The following VWA2 variants were observed in gnomAD, a reference collection of about 807,000 sequenced individuals.
VWA2 encodes von Willebrand factor A domain-containing protein 2.
VWA2 carries 73 observed loss-of-function variants against 70.4 expected under a neutral mutation model. The observed-to-expected ratio is 1.04, with a 90% CI of 0.86 to 1.26. The LOEUF (loss-of-function observed/expected upper bound fraction) is 1.26, where lower values mean the gene tolerates loss of function less well. Ranked by LOEUF, VWA2 falls within the 50% of genes most tolerant of loss-of-function variation. The pLI is 0.00. For missense variants in VWA2, 1,011 were observed against 998.5 expected (o/e 1.01, Z -0.17); for synonymous variants, 407 against 423.3 (o/e 0.96, Z 0.47).
At chr10:114,282,703 T>TG (rs908820014) in intron 9 of VWA2, 132 bp downstream of exon 9, 4 of 733,488 alleles carry the variant, frequency 5.5e-6, no homozygotes, top group Non-Finnish European at 4.9e-6. Context: ...ATGGGGCACT[T>TG]GGGGGGCAGA....
At chr10:114,253,542 A>T (rs982495244) in intron 2 of VWA2, 109 bp from the exon 3 acceptor site, 46 of 923,954 alleles carry the variant, frequency 5.0e-5, no homozygotes, top group Non-Finnish European at 7.5e-5. Flanking sequence ...ACTCCCCCAC[A>T]TTCTAGGTTT....
At chr10:114,256,924 A>AG (rs1301069184) in intron 4 of VWA2, among the ~76,000 whole-genome samples, 1 of 151,684 alleles carries the variant, frequency 6.6e-6, no homozygotes, top group Admixed American at 6.6e-5. Flanking sequence ...AAAAAAAAAA[A>AG]AAAAAAAATT....
At chr10:114,285,022 C>T (rs1272765034) in intron 10 of VWA2, 52 bp downstream of exon 10, 14 of 1,427,040 alleles carry the variant, frequency 9.8e-6, no homozygotes, top group Middle Eastern at 1.9e-4. Flanking sequence ...AAGAAGAGGA[C>T]GGGCTCCCCT....
intron 3 of VWA2, 24 bp downstream of exon 3, chr10:114,253,749 C>G: frequency 1.2e-6 from 2 of 1,604,370 alleles, no homozygotes; most frequent in South Asian, 2.2e-5. Context: ...CTTCTTAACC[C>G]TCCAGATGCC....
rs1279130974 is a variant in VWA2, at chr10:114,293,780, G to GA, written c.*2546dup. ...AATAATTGACTCTTGCTTTTCTAGA[G>GA]AAATATTTCCAAATGATGCTAGTTT... On this transcript the variant is annotated 3_prime_UTR_variant, in exon 14 of 14. Coordinates refer to ENST00000392982, the MANE Select transcript of VWA2 (RefSeq NM_001272046.2). 1.3e-5 allele frequency among the ~76,000 whole-genome samples: 2 copies of GA among 152,112 alleles called. No homozygotes were observed. Among genetic ancestry groups the GA allele is most frequent in the Non-Finnish European group, 2.9e-5 (2 of 68,016 alleles).
At chr10:114,282,466 C>G in intron 8 of VWA2, 50 bp from the exon 9 acceptor site, 1 of 1,456,470 alleles carries the variant, frequency 6.9e-7, no homozygotes, top group Non-Finnish European at 9.6e-7. Context: ...GTTTTCTGCC[C>G]TCCCCTTACA....
At chr10:114,255,132 C>G in intron 4 of VWA2, 84 bp downstream of exon 4, 1 of 1,549,578 alleles carries the variant, frequency 6.5e-7, no homozygotes, top group Non-Finnish European at 8.8e-7. Flanking sequence ...GAGGAGGCAT[C>G]TACTCGCTTG....
chr10:114,279,782 A>G (rs887014761), intron 8 of VWA2, among the ~76,000 whole-genome samples: 2 of 152,112 alleles, frequency 1.3e-5, no homozygotes, highest in Non-Finnish European at 2.9e-5. Flanking sequence ...TGCTGCCCCC[A>G]AGGAATCATG....
At chr10:114,277,168 CTTTTTTTTTTTTTTTTTT>C (rs780326649) in intron 6 of VWA2, among the ~76,000 whole-genome samples, 1 of 61,218 alleles carries the variant, frequency 1.6e-5, no homozygotes, top group Admixed American at 1.9e-4. Flanking sequence ...GACTGCACGT[CTTTTTTTTTTTTTTTTTT>C]TTTTTTTTTT....
At chr10:114,251,860 C>T (rs558560293) in intron 2 of VWA2, among the ~76,000 whole-genome samples, 71 of 147,098 alleles carry the variant, frequency 4.8e-4, no homozygotes, top group South Asian at 1.7e-3. Flanking sequence ...GTCTCCCTCT[C>T]GCCCAGGCTG....
intron 11 of VWA2, among the ~76,000 whole-genome samples, chr10:114,288,668 T>C (rs970201486): frequency 4.6e-5 from 7 of 152,208 alleles, no homozygotes; most frequent in South Asian, 2.1e-4. Flanking sequence ...GAGTTTGAAA[T>C]TGATCACGTC....
intron 8 of VWA2, chr10:114,281,648 C>G (rs2038124804): frequency 1.3e-6 from 1 of 772,174 alleles, no homozygotes; most frequent in African/African-American, 1.9e-5. Context: ...CCTGCAGAGC[C>G]TCGTGTGGAC....
chr10:114,290,362 A>C lies in VWA2; in HGVS notation c.2245A>C (p.Asn749His). Residue 749 changes from asparagine (N) to histidine (H), a missense_variant, in exon 13 of 14, where the codon AAC becomes CAC. Physicochemically the swap from Asn to His is moderately conservative, Grantham distance 68 (BLOSUM62 1). Coordinates refer to ENST00000392982, the MANE Select transcript of VWA2 (RefSeq NM_001272046.2). ...RDGWEGPHCE[N>H]RFLRRP ...TGGCTGGGAGGGCCCCCACTGCGAGAACCGTGAGTGGAGCTCTTGCTCTGT... is the reference window on the plus strand; with the variant it reads ...TGGCTGGGAGGGCCCCCACTGCGAGCACCGTGAGTGGAGCTCTTGCTCTGT... The C allele has an allele frequency of 6.4e-7, 1 of 1,550,484 alleles. No individual in the cohort carries two copies. The highest frequency in any genetic ancestry group is 8.7e-7 in the Non-Finnish European group (1 of 1,146,940).
At chr10:114,242,819 G>A (rs752183443) in intron 1 of VWA2, among the ~76,000 whole-genome samples, 43 of 152,300 alleles carry the variant, frequency 2.8e-4, no homozygotes, top group East Asian at 1.9e-3. Flanking sequence ...TAAATGTAAT[G>A]ATAAACTTTT....
chr10:114,279,608 A>C (rs2037962588), intron 8 of VWA2, among the ~76,000 whole-genome samples: 1 of 152,182 alleles, frequency 6.6e-6, no homozygotes, highest in South Asian at 2.1e-4. Flanking sequence ...AGCCCCCTAC[A>C]TAAGGGTCAG....
chr10:114,249,163 G>T (rs1022934833), intron 2 of VWA2, among the ~76,000 whole-genome samples: 1 of 151,992 alleles, frequency 6.6e-6, no homozygotes, highest in Non-Finnish European at 1.5e-5. Flanking sequence ...TTATCCTGAT[G>T]CTCTCCCTCC....
chr10:114,244,687 G>A (rs2037033736), intron 1 of VWA2, among the ~76,000 whole-genome samples: 1 of 152,156 alleles, frequency 6.6e-6, no homozygotes, highest in Admixed American at 6.5e-5. Flanking sequence ...AATTAGTATT[G>A]TAGGAAAATT....
At chr10:114,256,704 A>G (rs922452429) in intron 4 of VWA2, among the ~76,000 whole-genome samples, 4 of 152,092 alleles carry the variant, frequency 2.6e-5, no homozygotes, top group African/African-American at 9.7e-5. Flanking sequence ...AGGTCAGGAG[A>G]TTGAGACCGT....
chr10:114,249,402 C>T (rs1409050864), intron 2 of VWA2, among the ~76,000 whole-genome samples: 7 of 152,202 alleles, frequency 4.6e-5, no homozygotes, highest in Admixed American at 1.3e-4. Flanking sequence ...ATGAGAGGCA[C>T]GCACCACCAC....
Sources: allele counts gnomAD v4.1 joint callset (sites outside exome capture counted in the v4.1 genomes callset), GRCh38; gene constraint gnomAD v4.1.1; transcripts MANE v1.5; gene names NCBI Gene and HGNC (gene_info 2026-07-23, HGNC 2026-07-21).